Variants in ERCC6L2 observed in about 807,000 individuals in gnomAD.
The protein encoded by ERCC6L2 is DNA excision repair protein ERCC-6-like 2.
Under a neutral mutation model 132.0 loss-of-function variants are expected in ERCC6L2, and 77 were observed. The observed-to-expected ratio is 0.58, with a 90% CI of 0.49 to 0.71. The LOEUF is 0.71. Among genes scored for constraint, ERCC6L2 ranks in the 30% least tolerant of loss-of-function variants. The pLI, the probability that ERCC6L2 is intolerant of heterozygous loss-of-function variation, is 0.00. For synonymous variants in ERCC6L2, 583 were observed against 632.4 expected, an observed-to-expected ratio of 0.92 and a Z score of 1.17; for missense variants, 1,542 against 1,837.6, an observed-to-expected ratio of 0.84 and a Z score of 2.94.
chr9:96,003,626 G>A (rs1833763921), intron 17 of ERCC6L2, among the ~76,000 whole-genome samples: 1 of 152,118 alleles, frequency 6.6e-6, no homozygotes, highest in Non-Finnish European at 1.5e-5. Flanking sequence ...GGGTGCTATA[G>A]ACTATAGCAC....
intron 13 of ERCC6L2, among the ~76,000 whole-genome samples, chr9:95,960,576 A>G (rs1040719517): frequency 4.6e-5 from 7 of 152,042 alleles, no homozygotes; most frequent in Admixed American, 4.6e-4. Flanking sequence ...GCCAGAAGCT[A>G]AGGAATGGTG....
At chr9:95,963,179 G>T (rs904881636) in intron 13 of ERCC6L2, among the ~76,000 whole-genome samples, 1 of 138,254 alleles carries the variant, frequency 7.2e-6, no homozygotes, top group African/African-American at 2.8e-5. Context: ...GTGTGTGTGT[G>T]TAAATTTTAT....
intron 1 of ERCC6L2, among the ~76,000 whole-genome samples, chr9:95,877,791 GAC>G (rs1827360865): frequency 2.0e-5 from 3 of 150,110 alleles, no homozygotes; most frequent in Admixed American, 2.0e-4. Context: ...GGGCGACAGA[GAC>G]ACTCTTGTCT....
chr9:95,901,372 G>C (rs1167031150), intron 3 of ERCC6L2, among the ~76,000 whole-genome samples: 2 of 151,924 alleles, frequency 1.3e-5, no homozygotes, highest in East Asian at 3.9e-4. Context: ...AATAAGTTTT[G>C]CTTTAGAAAA....
At chr9:95,930,186 T>A (rs897556151) in intron 11 of ERCC6L2, among the ~76,000 whole-genome samples, 2 of 152,082 alleles carry the variant, frequency 1.3e-5, no homozygotes, top group Non-Finnish European at 2.9e-5. Context: ...TCAATGGGAT[T>A]TTTTTCCTCT....
intron 17 of ERCC6L2, among the ~76,000 whole-genome samples, chr9:95,981,020 A>G (rs1372039012): frequency 6.6e-6 from 1 of 152,186 alleles, no homozygotes; most frequent in Non-Finnish European, 1.5e-5. Context: ...GCGTGTCTGT[A>G]GCCAGTTGCA....
intron 17 of ERCC6L2, among the ~76,000 whole-genome samples, chr9:96,001,129 A>G (rs928043046): frequency 3.9e-5 from 6 of 152,172 alleles, no homozygotes; most frequent in Non-Finnish European, 5.9e-5. Flanking sequence ...TGGGCTCAGG[A>G]GTGAAGCTGC....
chr9:96,008,255 A>T (rs1833924363), intron 18 of ERCC6L2, among the ~76,000 whole-genome samples: 1 of 152,120 alleles, frequency 6.6e-6, no homozygotes, highest in African/African-American at 2.4e-5. Flanking sequence ...GTGCAACTTT[A>T]ATATCTTCCC....
chr9:95,921,361 G>C (rs1299650497), intron 7 of ERCC6L2, 46 bp downstream of exon 7: 1 of 1,515,786 alleles, frequency 6.6e-7, no homozygotes, highest in South Asian at 1.2e-5. Flanking sequence ...TGATTACATA[G>C]TACTCTCTTC....
In ERCC6L2 at chr9:95,915,780, G is replaced by T. The variant is rs1829555179; in HGVS notation, c.901G>T (p.Gly301Ter). 27 of 1,613,680 alleles carry T rather than the reference G, an allele frequency of 1.7e-5. No individual in the cohort carries two copies. The highest frequency in any genetic ancestry group is 2.1e-5 in the Non-Finnish European group (25 of 1,179,850). The stretch of plus-strand genomic sequence containing the variant: ...ATGTAATGTCCGCATTGGCCTCACT[G>T]GAACCATCCTTCAGAACAACATGAA... ...LKCNVRIGLTGTILQNNMKEL... is the reference protein window; with the variant it reads ...LKCNVRIGLT Residue 301 changes from glycine (G) to a stop codon, truncating the protein, a stop_gained, in exon 5 of 19, where the codon GGA becomes TGA. Transcript: ENST00000653738. LOFTEE classifies it high-confidence loss of function.
intron 19 of ERCC6L2, among the ~76,000 whole-genome samples, chr9:96,024,863 GCATTGCTTCAGT>G (rs1194226428): frequency 1.3e-5 from 2 of 152,122 alleles, no homozygotes; most frequent in Non-Finnish European, 2.9e-5. Context: ...TCAGTTAATC[GCATTGCTTCAGT>G]CATTGACCTC....
rs1312416910 is a variant in ERCC6L2, at chr9:95,972,868, T to C, written c.3117T>C (p.Asp1039=). The stretch of plus-strand genomic sequence containing the variant: ...AGGATCATAACTCTCAGTTTATTGA[T>C]GATTATTCATCCTCAGATGAGAGTT... ...ANEDHNSQFI[D]DYSSSDESLS... is the part of the protein sequence containing the mutation. Residue 1039 remains aspartate, a synonymous_variant, in exon 16 of 19, where the codon GAT becomes GAC. Coordinates refer to ENST00000653738, the MANE Select transcript of ERCC6L2 (RefSeq NM_020207.7). The C allele has an allele frequency of 7.7e-7, 1 of 1,305,096 alleles. No homozygotes were observed. Among genetic ancestry groups the C allele is most frequent in the African/African-American group, 1.5e-5 (1 of 65,874 alleles). 80.8% of individuals were successfully genotyped at this position (1,305,096 alleles called of 1,614,324 possible).
chr9:95,909,687 G>A (rs1483427086), intron 4 of ERCC6L2, among the ~76,000 whole-genome samples: 1 of 152,016 alleles, frequency 6.6e-6, no homozygotes, highest in East Asian at 1.9e-4. Context: ...TTCACATTTT[G>A]TTACCCATTC....
chr9:95,876,045 C>G lies in ERCC6L2; in HGVS notation c.7C>G (p.Pro3Ala), dbSNP rs776425022. Reference protein sequence around the residue: MDPSAPQPRAETS... With the variant: MDASAPQPRAETS... ...GGCCCCTCCCCCTGGCCGGATGGAT[C>G]CGTCGGCGCCACAGCCCCGCGCGGA... Residue 3 changes from proline (P) to alanine (A), a missense_variant, in exon 1 of 19, where the codon CCG (proline) becomes GCG (alanine). Physicochemically the swap from Pro to Ala is conservative, Grantham distance 27 (BLOSUM62 -1). Transcript: ENST00000653738. 1 of 1,588,784 alleles carries G rather than the reference C, an allele frequency of 6.3e-7. No homozygotes were observed. The highest frequency in any genetic ancestry group is 1.8e-5 in the Admixed American group (1 of 57,138).
chr9:95,936,050 C>T (rs1318577360), intron 11 of ERCC6L2, among the ~76,000 whole-genome samples: 1 of 152,006 alleles, frequency 6.6e-6, no homozygotes, highest in African/African-American at 2.4e-5. Flanking sequence ...GTAATACATG[C>T]AAGTGCAATC....
intron 7 of ERCC6L2, among the ~76,000 whole-genome samples, chr9:95,921,564 G>A (rs1829869733): frequency 1.3e-5 from 2 of 152,098 alleles, no homozygotes; most frequent in African/African-American, 4.8e-5. Flanking sequence ...CTCCATTTTA[G>A]CTTTTCTTGG....
chr9:95,952,068 T>C (rs900552737), intron 12 of ERCC6L2, among the ~76,000 whole-genome samples: 5 of 145,212 alleles, frequency 3.4e-5, no homozygotes, highest in African/African-American at 5.2e-5. Context: ...CTCGGGAGGC[T>C]GAGGCAGGAG....
intron 16 of ERCC6L2, among the ~76,000 whole-genome samples, chr9:95,977,072 TTTTG>T (rs149116490): frequency 0.14 from 21,617 of 152,006 alleles, 1,614 homozygotes; most frequent in Admixed American, 0.19. Context: ...CAACTCAGTT[TTTTG>T]TTTGTTTGTT....
At chr9:95,951,457 C>G (rs141541514) in intron 12 of ERCC6L2, among the ~76,000 whole-genome samples, 64 of 152,098 alleles carry the variant, frequency 4.2e-4, no homozygotes, top group African/African-American at 1.5e-3. Context: ...AATATTAGAA[C>G]AGAGATAAGT....
Sources: gnomAD v4.1 joint callset for allele counts (sites outside exome capture counted in the v4.1 genomes callset) on GRCh38, gnomAD v4.1.1 for gene constraint, MANE v1.5 for transcripts, NCBI Gene and HGNC (gene_info 2026-07-23, HGNC 2026-07-21) for gene names.